CPLX2: variants seen among roughly 807,000 people sequenced by gnomAD.
CPLX2 encodes complexin 2, also known as complexin-2.
CPLX2 carries 5 observed loss-of-function variants against 16.3 expected under a neutral mutation model. The observed-to-expected ratio is 0.31, with a 90% CI of 0.16 to 0.64. The LOEUF (loss-of-function observed/expected upper bound fraction) is 0.64, where lower values mean the gene tolerates loss of function less well. Ranked by LOEUF, CPLX2 falls within the 30% of genes least tolerant of loss-of-function variation. The pLI is 0.79. For synonymous variants in CPLX2, 89 were observed against 73.2 expected, an observed-to-expected ratio of 1.22 and a Z score of -1.10; for missense variants, 144 against 181.4, an observed-to-expected ratio of 0.79 and a Z score of 1.18.
At chr5:175,813,178 C>T (rs1445266592) in intron 2 of CPLX2, among the ~76,000 whole-genome samples, 1 of 152,212 alleles carries the variant, frequency 6.6e-6, no homozygotes, top group East Asian at 1.9e-4. Context: ...TAATAGCTCG[C>T]AAGTGATGCG....
At position 175,879,161 on chromosome 5, in the gene CPLX2, C is replaced by A. The variant is rs1397034618; in HGVS notation, c.207+78C>A. On this transcript the variant is annotated intron_variant, in intron 3 of 3. Coordinates refer to ENST00000393745, the MANE Select transcript of CPLX2 (RefSeq NM_001008220.2). Reference sequence around the variant, plus strand: ...GGTCCAGCTAAAGCCCCTGCTGGGGCTCCCCTGGATCCCAGCTCTCACCTT... The same window carrying A: ...GGTCCAGCTAAAGCCCCTGCTGGGGATCCCCTGGATCCCAGCTCTCACCTT... 2.8e-6 allele frequency: 4 copies of A among 1,413,090 alleles called. No homozygotes were observed. In the African/African-American group the frequency reaches 4.3e-5, roughly 15 times the overall value. 87.5% of individuals were successfully genotyped at this position (1,413,090 alleles called of 1,614,324 possible).
chr5:175,877,221 C>CT (rs35064099), intron 1 of CPLX2, among the ~76,000 whole-genome samples: 2,361 of 137,174 alleles, frequency 0.017, 40 homozygotes, highest in African/African-American at 0.042. Context: ...TTGTGTTTTG[C>CT]TTTTTTTTTT....
At chr5:175,813,456 C>T (rs555518300) in intron 2 of CPLX2, among the ~76,000 whole-genome samples, 3 of 152,296 alleles carry the variant, frequency 2.0e-5, no homozygotes, top group South Asian at 2.1e-4. Context: ...ATTTTAGCTC[C>T]CTGGGGTGGT....
rs1755652978 is a variant in CPLX2 at position 175,882,839 on chromosome 5, C to T, written c.*2794C>T. On this transcript the variant is annotated 3_prime_UTR_variant, in exon 4 of 4. Coordinates refer to ENST00000393745, the MANE Select transcript of CPLX2 (RefSeq NM_001008220.2). ...ATGCAGACCTGGCTGTGGAGAGCAG[C>T]TAATGTGTGGCCCAGAGAGCCTGTC... 6.6e-6 allele frequency: 1 copy of T among 152,532 alleles called. No homozygotes were observed. Among genetic ancestry groups the T allele is most frequent in the African/African-American group, 2.4e-5 (1 of 41,460 alleles). The allele number at this position is 152,532 out of a possible 1,614,324, so 9.4% of individuals were successfully genotyped here. A position where few individuals can be genotyped will look rare whatever the true frequency, so the allele number is the denominator to read the frequency against.
At chr5:175,814,777 T>C (rs1444604453) in intron 2 of CPLX2, among the ~76,000 whole-genome samples, 2 of 152,196 alleles carry the variant, frequency 1.3e-5, no homozygotes, top group African/African-American at 4.8e-5. Flanking sequence ...AAGCAGGACC[T>C]GAGGCCGGTT....
chr5:175,809,317 ATAT>A lies in CPLX2; in HGVS notation c.-89+256_-89+258del, dbSNP rs199606814. The A allele has an allele frequency of 5.3e-5, 8 of 152,300 alleles. No individual in the cohort carries two copies. In the East Asian group the frequency reaches 1.5e-3, roughly 29 times the overall value. The allele number at this position is 152,300 out of a possible 1,614,324, so 9.4% of individuals were successfully genotyped here. ...GTGCTCCCCAAAAAACCTGAGGTGG[ATAT>A]TATTATCCCCAGTTACAGATGAGAA... On this transcript the variant is annotated intron_variant, in intron 2 of 4. Coordinates refer to the CPLX2 transcript ENST00000359546. This position sits in a 1 kb window ranked among gnomAD's most constrained non-coding sequence, Gnocchi z 4.4.
chr5:175,850,225 G>C (rs1292336869), intron 2 of CPLX2, among the ~76,000 whole-genome samples: 1 of 152,172 alleles, frequency 6.6e-6, no homozygotes, highest in Non-Finnish European at 1.5e-5. Context: ...GGATGATCTA[G>C]CATCAGCCAG....
intron 2 of CPLX2, among the ~76,000 whole-genome samples, chr5:175,844,461 T>C (rs574352081): frequency 6.6e-6 from 1 of 152,308 alleles, no homozygotes; most frequent in South Asian, 2.1e-4. Context: ...GGCTTCTGTC[T>C]GGTGGGAGAA....
chr5:175,829,425 GAC>G (rs1239777568), intron 2 of CPLX2, among the ~76,000 whole-genome samples: 1 of 152,142 alleles, frequency 6.6e-6, no homozygotes, highest in Admixed American at 6.5e-5. Flanking sequence ...CCCTTGCCAG[GAC>G]AGTCATCCAG....
At chr5:175,869,949 A>G (rs1023004770), upstream of CPLX2, among the ~76,000 whole-genome samples, 5 of 152,216 alleles carry the variant, frequency 3.3e-5, no homozygotes, top group Non-Finnish European at 7.3e-5. Flanking sequence ...GGTCCCATTT[A>G]CTGAGAATAT....
chr5:175,878,897 C>A lies in CPLX2; in HGVS notation c.32-11C>A, dbSNP rs1398097915. 2 of 1,612,098 alleles carry A rather than the reference C, an allele frequency of 1.2e-6. No individual in the cohort carries two copies. Among genetic ancestry groups the A allele is most frequent in the South Asian group, 2.2e-5 (2 of 90,562 alleles). Reference sequence around the variant, plus strand: ...TGACCCCGCCCTCTCCTTCCCACCCCTTCCTCGTAGGGGCCACAAAGGACA... The same window carrying A: ...TGACCCCGCCCTCTCCTTCCCACCCATTCCTCGTAGGGGCCACAAAGGACA... On this transcript the variant is annotated splice_polypyrimidine_tract_variant and intron_variant, in intron 2 of 3. Transcript: ENST00000393745.
At chr5:175,833,440 C>T (rs543350538) in intron 2 of CPLX2, among the ~76,000 whole-genome samples, 1 of 152,220 alleles carries the variant, frequency 6.6e-6, no homozygotes, top group East Asian at 1.9e-4. Context: ...TACAAAGAAG[C>T]ATGGGGGGCT....
upstream of CPLX2, among the ~76,000 whole-genome samples, chr5:175,867,912 G>A (rs1759508880): frequency 6.6e-6 from 1 of 152,208 alleles, no homozygotes; most frequent in African/African-American, 2.4e-5. Flanking sequence ...CCCGGCCATT[G>A]TCAGTGACAA....
rs530387249 is a variant in CPLX2, at chr5:175,856,608, C to T, written c.-88-22044C>T. Among the ~76,000 whole-genome samples, 292 of 152,276 alleles carry T rather than the reference C, an allele frequency of 1.9e-3. 1 individual carries two copies. The Middle Eastern group carries it at 0.024, about 12-fold the overall frequency. ...GGAACATGCAGTTATTTACAGGATGCCGTGTGGGCTGCGGCATGCGAGAGG... is the reference window on the plus strand; with the variant it reads ...GGAACATGCAGTTATTTACAGGATGTCGTGTGGGCTGCGGCATGCGAGAGG... On this transcript the variant is annotated intron_variant, in intron 2 of 4. Coordinates refer to the CPLX2 transcript ENST00000359546.
At chr5:175,824,084 T>C (rs979317603) in intron 2 of CPLX2, among the ~76,000 whole-genome samples, 1 of 152,180 alleles carries the variant, frequency 6.6e-6, no homozygotes. Flanking sequence ...TGTGCACAAT[T>C]GGAGGGCTCT....
intron 1 of CPLX2, among the ~76,000 whole-genome samples, chr5:175,801,750 TA>T (rs1187612822): frequency 6.6e-6 from 1 of 152,216 alleles, no homozygotes; most frequent in African/African-American, 2.4e-5. Flanking sequence ...ACGAGTATTC[TA>T]AATAAAAACG....
intron 2 of CPLX2, among the ~76,000 whole-genome samples, chr5:175,835,318 A>T (rs1758809241): frequency 6.6e-6 from 1 of 152,250 alleles, no homozygotes; most frequent in African/African-American, 2.4e-5. Flanking sequence ...CTCCCTTTTT[A>T]AAAAAGTAAT....
chr5:175,818,773 T>C (rs1402479001), intron 2 of CPLX2, among the ~76,000 whole-genome samples: 3 of 146,732 alleles, frequency 2.0e-5, no homozygotes, highest in Non-Finnish European at 4.5e-5. Flanking sequence ...GCGATTCTCC[T>C]GCCTCAGCCT....
intron 2 of CPLX2, among the ~76,000 whole-genome samples, chr5:175,844,833 A>G (rs2113672441): frequency 6.6e-6 from 1 of 152,360 alleles, no homozygotes; most frequent in Non-Finnish European, 1.5e-5. Flanking sequence ...CATTGTGAGG[A>G]CGACCAAACA....
Sources: allele counts gnomAD v4.1 joint callset (sites outside exome capture counted in the v4.1 genomes callset), GRCh38; gene constraint gnomAD v4.1.1; non-coding constraint Gnocchi (gnomAD v3.1); transcripts MANE v1.5; gene names NCBI Gene and HGNC (gene_info 2026-07-23, HGNC 2026-07-21).